COL19A1: variants seen among roughly 807,000 people sequenced by gnomAD.
COL19A1 encodes the protein collagen type XIX alpha 1 chain, also known as collagen alpha-1(XIX) chain.
Under a neutral mutation model 190.2 loss-of-function variants are expected in COL19A1, and 159 were observed. The ratio of observed to expected loss-of-function variants is 0.84; its 90% CI spans 0.73 to 0.95. The LOEUF is 0.95. COL19A1 is among the 40% of genes least tolerant of loss of function. The pLI is 0.00. For missense variants in COL19A1, 1,418 were observed against 1,431.9 expected, an observed-to-expected ratio of 0.99 and a Z score of 0.16; for synonymous variants, 509 against 458.9, an observed-to-expected ratio of 1.11 and a Z score of -1.39.
chr6:69,931,891 C>A (rs1772784915), intron 6 of COL19A1, among the ~76,000 whole-genome samples: 1 of 151,836 alleles, frequency 6.6e-6, no homozygotes, highest in African/African-American at 2.4e-5. Flanking sequence ...AGAGATTCAC[C>A]TCTAATCACA....
chr6:70,180,286 C>T (rs764991137), intron 42 of COL19A1, 26 bp from the exon 43 acceptor site: 21 of 1,614,046 alleles, frequency 1.3e-5, no homozygotes, highest in South Asian at 6.6e-5. Context: ...TGGCTCCTAA[C>T]ATTTCTCTTC....
At chr6:70,129,820 T>C (rs1785412623) in intron 17 of COL19A1, among the ~76,000 whole-genome samples, 1 of 152,210 alleles carries the variant, frequency 6.6e-6, no homozygotes, top group African/African-American at 2.4e-5. Flanking sequence ...TAAAGAAGAC[T>C]TGAGAATAGG....
intron 2 of COL19A1, among the ~76,000 whole-genome samples, chr6:69,885,909 C>T (rs954802098): frequency 6.6e-6 from 1 of 152,106 alleles, no homozygotes; most frequent in African/African-American, 2.4e-5. Flanking sequence ...AATAGTTCCC[C>T]AACATTGACC....
chr6:69,890,220 C>T (rs2149958832), intron 2 of COL19A1: 2 of 152,396 alleles, frequency 1.3e-5, no homozygotes, highest in South Asian at 4.1e-4. Context: ...AAATGTACTT[C>T]ACAGCCCTCA....
At position 70,206,928 on chromosome 6, in the gene COL19A1, G is replaced by A. The variant is rs995052706; in HGVS notation, c.3251G>A (p.Gly1084Asp). Residue 1084 changes from glycine (G) to aspartate (D), a missense_variant, in exon 50 of 51, where the codon GGT (glycine) becomes GAT (aspartate). Transcript: ENST00000620364. ...QGYRGQKGER[G>D]EPGIGLPGSP... ...TACAGAGGACAGAAGGGAGAAAGAGGTGAACCTGGAATTGGGCTGCCAGGG... is the reference window on the plus strand; with the variant it reads ...TACAGAGGACAGAAGGGAGAAAGAGATGAACCTGGAATTGGGCTGCCAGGG... The A allele has an allele frequency of 1.9e-6, 3 of 1,613,754 alleles. No homozygotes were observed. The highest frequency in any genetic ancestry group is 3.3e-5 in the Admixed American group (2 of 59,948).
At chr6:69,909,726 A>G (rs1197992857) in intron 4 of COL19A1, among the ~76,000 whole-genome samples, 1 of 152,290 alleles carries the variant, frequency 6.6e-6, no homozygotes, top group South Asian at 2.1e-4. Flanking sequence ...CAAACATTAC[A>G]TAAGCCCCTG....
At chr6:69,899,126 A>T in intron 3 of COL19A1, 104 bp downstream of exon 3, 2 of 718,456 alleles carry the variant, frequency 2.8e-6, no homozygotes, top group Middle Eastern at 2.9e-4. Flanking sequence ...GCAATTTAAG[A>T]TCATAGCATT....
intron 9 of COL19A1, among the ~76,000 whole-genome samples, chr6:69,955,114 T>C (rs1405471252): frequency 3.3e-5 from 5 of 152,080 alleles, no homozygotes; most frequent in African/African-American, 9.7e-5. Context: ...TTAAGTTTGG[T>C]TTAAAGACTC....
intron 12 of COL19A1, among the ~76,000 whole-genome samples, chr6:70,024,073 G>A (rs12173285): frequency 0.01 from 1,541 of 152,186 alleles, 28 homozygotes; most frequent in East Asian, 0.087. Context: ...GGCTTTCAGT[G>A]ATGGGAAGAA....
intron 9 of COL19A1, among the ~76,000 whole-genome samples, chr6:69,955,654 G>C (rs1174696769): frequency 6.6e-6 from 1 of 151,604 alleles, no homozygotes; most frequent in Non-Finnish European, 1.5e-5. Context: ...TGAGTTCTGA[G>C]AGCCACATTT....
rs145131438 is a variant in COL19A1 at position 70,105,116 on chromosome 6, G to A, written c.1278+2894G>A. Among the ~76,000 whole-genome samples the A allele has an allele frequency of 2.0e-5, 3 of 151,830 alleles. No individual in the cohort carries two copies. The East Asian group carries it at 5.8e-4, about 29-fold the overall frequency. ...ATTAAATCCTGGGAACATAATATTTGAAAAAAATGGTTTATTAACTTTTTA... is the reference window on the plus strand; with the variant it reads ...ATTAAATCCTGGGAACATAATATTTAAAAAAAATGGTTTATTAACTTTTTA... On this transcript the variant is annotated intron_variant, in intron 16 of 50. Transcript: ENST00000620364.
intron 15 of COL19A1, among the ~76,000 whole-genome samples, chr6:70,080,309 T>G (rs1782170098): frequency 6.6e-6 from 1 of 151,996 alleles, no homozygotes; most frequent in African/African-American, 2.4e-5. Flanking sequence ...AATATAGAAG[T>G]AGAGGAAGTC....
chr6:70,179,324 G>A (rs761216315), intron 42 of COL19A1, among the ~76,000 whole-genome samples: 11 of 152,074 alleles, frequency 7.2e-5, no homozygotes, highest in South Asian at 2.1e-4. Context: ...ATCCCACGTC[G>A]TCTATCTTTC....
chr6:70,052,558 T>C (rs1467803367), intron 14 of COL19A1, among the ~76,000 whole-genome samples: 1 of 152,222 alleles, frequency 6.6e-6, no homozygotes, highest in African/African-American at 2.4e-5. Flanking sequence ...CTTACTTCTC[T>C]TCAGTCTATA....
At position 70,064,914 on chromosome 6, in the gene COL19A1, CTCT is replaced by C. The variant is rs552741672; in HGVS notation, c.1171-3506_1171-3504del. 5.5e-3 allele frequency among the ~76,000 whole-genome samples: 842 copies of C among 152,188 alleles called. 6 individuals are homozygous for C. Among genetic ancestry groups the C allele is most frequent in the African/African-American group, 0.019 (802 of 41,502 alleles). On this transcript the variant is annotated intron_variant, in intron 14 of 50. Coordinates refer to ENST00000620364, the MANE Select transcript of COL19A1 (RefSeq NM_001858.6). ...CCAACTTACAAGGGATGTGAAGGAC[CTCT>C]TCAAGGAGAACTACAAACCACTGCT...
intron 14 of COL19A1, among the ~76,000 whole-genome samples, chr6:70,067,881 GA>G (rs745539057): frequency 9.4e-5 from 14 of 148,912 alleles, no homozygotes; most frequent in African/African-American, 2.7e-4. Flanking sequence ...GTTATGATCT[GA>G]AAAAAAAAGA....
At chr6:70,130,517 C>A (rs1386657384) in intron 18 of COL19A1, among the ~76,000 whole-genome samples, 3 of 152,236 alleles carry the variant, frequency 2.0e-5, no homozygotes, top group Non-Finnish European at 4.4e-5. Context: ...TGAGCCACTG[C>A]ACCCGGCAGT....
At chr6:70,185,554 G>A (rs78413867) in intron 46 of COL19A1, among the ~76,000 whole-genome samples, 2,312 of 152,118 alleles carry the variant, frequency 0.015, 17 homozygotes, top group Non-Finnish European at 0.022. Flanking sequence ...TATGTTATAT[G>A]GTTTTGTGTT....
intron 8 of COL19A1, 90 bp downstream of exon 8, chr6:69,937,000 T>C: frequency 6.6e-7 from 1 of 1,516,580 alleles, no homozygotes; most frequent in East Asian, 2.3e-5. Flanking sequence ...AGAATGTGTC[T>C]TGCCATTCAG....
Sources: allele counts gnomAD v4.1 joint callset (sites outside exome capture counted in the v4.1 genomes callset), GRCh38; gene constraint gnomAD v4.1.1; transcripts MANE v1.5; gene names NCBI Gene and HGNC (gene_info 2026-07-23, HGNC 2026-07-21).